MRO: variants seen among roughly 807,000 people sequenced by gnomAD.
The protein encoded by MRO is maestro.
MRO carries 28 observed loss-of-function variants against 31.0 expected under a neutral mutation model. That is an observed-to-expected ratio of 0.90 (90% CI 0.67 to 1.24). The LOEUF is 1.24. Ranked by LOEUF, MRO falls within the 50% of genes most tolerant of loss-of-function variation. The pLI, the probability that MRO is intolerant of heterozygous loss-of-function variation, is 0.00. For missense variants in MRO, 332 were observed against 289.2 expected (o/e 1.15, Z -1.07); for synonymous variants, 108 against 108.4 (o/e 1.00, Z 0.02).
upstream of MRO, chr18:50,820,116 A>AC (rs1237113505): frequency 4.4e-6 from 3 of 687,072 alleles, no homozygotes; most frequent in South Asian, 3.6e-5. Flanking sequence ...GTTCCAGGCG[A>AC]CCCCTGCACA....
At chr18:50,818,003 C>CCG (rs1555670621) in intron 2 of MRO, among the ~76,000 whole-genome samples, 20 of 129,186 alleles carry the variant, frequency 1.5e-4, no homozygotes, top group African/African-American at 6.5e-4. Context: ...CACCCCCCGC[C>CCG]CCATGCCCTC....
At position 50,799,409 on chromosome 18, in the gene MRO, G is replaced by T. The variant is rs1372413905; in HGVS notation, c.694-19C>A. The T allele has an allele frequency of 6.2e-7, 1 of 1,612,448 alleles. No homozygotes were observed. The highest frequency in any genetic ancestry group is 1.1e-5 in the South Asian group (1 of 91,042). ...AGTGGCTCTGAAAGAAATTAGCAAA[G>T]GTACGCGTGAGGGCAGGATTCAACA... On this transcript the variant is annotated intron_variant, in intron 7 of 7. Transcript: ENST00000398439.
At position 50,806,693 on chromosome 18, in the gene MRO, T is replaced by C; in HGVS notation, c.246+11A>G. The C allele has an allele frequency of 2.5e-6, 4 of 1,614,052 alleles. No homozygotes were observed. Among genetic ancestry groups the C allele is most frequent in the Non-Finnish European group, 3.4e-6 (4 of 1,180,006 alleles). On this transcript the variant is annotated intron_variant, in intron 4 of 7. Transcript: ENST00000398439. ...TTGGGGAGCTGGCTGAGCCCCACTCTCCTTCCCTACCTTGTCAGGGGCTTC... is the reference window on the plus strand; with the variant it reads ...TTGGGGAGCTGGCTGAGCCCCACTCCCCTTCCCTACCTTGTCAGGGGCTTC...
chr18:50,799,350 T>C lies in MRO; in HGVS notation c.734A>G (p.Asn245Ser). The change falls in exon 8 of 8, where the codon AAT becomes AGT. Residue 245 changes from asparagine (N) to serine (S), a missense_variant. Physicochemically the swap from Asn to Ser is conservative, Grantham distance 46 (BLOSUM62 1). Coordinates refer to ENST00000398439, the MANE Select transcript of MRO (RefSeq NM_031939.6). ...GCTGCTCTGCGCTTACAGAATTTTA[T>C]TTGCGTAGAAGAACTGCAGGATCTC... ...HPEILQFFYA[N>S]KIL 1 of 1,614,062 alleles carries C rather than the reference T, an allele frequency of 6.2e-7. No individual in the cohort carries two copies.
chr18:50,818,628 TTA>T (rs1915124698), intron 2 of MRO, among the ~76,000 whole-genome samples: 1 of 152,242 alleles, frequency 6.6e-6, no homozygotes, highest in South Asian at 2.1e-4. Flanking sequence ...AATAATCCTT[TTA>T]TTTATTGAAG....
upstream of MRO, chr18:50,820,018 G>C: frequency 6.8e-7 from 1 of 1,476,174 alleles, no homozygotes; most frequent in Non-Finnish European, 9.3e-7. Flanking sequence ...GGCAATTCTG[G>C]GGACCTTTCC....
At chr18:50,799,769 G>A (rs1033669057) in intron 7 of MRO, among the ~76,000 whole-genome samples, 1 of 152,146 alleles carries the variant, frequency 6.6e-6, no homozygotes, top group African/African-American at 2.4e-5. Context: ...AAATTAGCCG[G>A]GTGTGGTGGT....
intron 2 of MRO, chr18:50,815,645 C>T: frequency 2.9e-6 from 1 of 346,236 alleles, no homozygotes; most frequent in South Asian, 2.6e-5. Context: ...TGAAAGGGGG[C>T]AGTTTTGGTG....
rs1913159962 is a variant in MRO at position 50,800,162 on chromosome 18, C to T, written c.586-19G>A. 1 of 1,511,160 alleles carries T rather than the reference C, an allele frequency of 6.6e-7. No homozygotes were observed. The highest frequency in any genetic ancestry group is 9.2e-7 in the Non-Finnish European group (1 of 1,092,386). 93.6% of individuals were successfully genotyped at this position (1,511,160 alleles called of 1,614,324 possible). A position where few individuals can be genotyped will look rare whatever the true frequency, so the allele number is the denominator to read the frequency against. Reference sequence around the variant, plus strand: ...TGCAAGCCTGAGAAAAATAATATTACTATTTTATTTATTAGAGAGTTCCAT... The same window carrying T: ...TGCAAGCCTGAGAAAAATAATATTATTATTTTATTTATTAGAGAGTTCCAT... On this transcript the variant is annotated intron_variant, in intron 6 of 7. Coordinates refer to ENST00000398439, the MANE Select transcript of MRO (RefSeq NM_031939.6).
rs189003253 is a variant in MRO at position 50,819,213 on chromosome 18, C to T, written c.-5+368G>A. ...ATCCTTTCAGTCACTGTGCTATAAG[C>T]CTAGGTTCAGCTCCCAGGCAATGTC... On this transcript the variant is annotated intron_variant, in intron 2 of 7. Transcript: ENST00000398439. Among the ~76,000 whole-genome samples the T allele has an allele frequency of 2.7e-3, 417 of 152,210 alleles. 1 individual carries two copies. Among genetic ancestry groups the T allele is most frequent in the African/African-American group, 9.4e-3 (389 of 41,536 alleles).
chr18:50,814,082 T>C (rs1041420080), intron 2 of MRO, among the ~76,000 whole-genome samples: 4 of 152,142 alleles, frequency 2.6e-5, no homozygotes, highest in Non-Finnish European at 4.4e-5. Flanking sequence ...CATGTTTCAA[T>C]AGAACCTAAT....
chr18:50,824,523 C>T (rs192932880), upstream of MRO, among the ~76,000 whole-genome samples: 28 of 148,620 alleles, frequency 1.9e-4, no homozygotes, highest in South Asian at 8.6e-4. Context: ...ATTGCGATCT[C>T]GGCTCACTGC....
chr18:50,817,062 AAC>A (rs1431194675), intron 2 of MRO, among the ~76,000 whole-genome samples: 2 of 152,306 alleles, frequency 1.3e-5, no homozygotes, highest in African/African-American at 4.8e-5. Flanking sequence ...GCGTAAGTAG[AAC>A]TCAAGGTCAT....
rs1472799614 is a variant in MRO at position 50,798,243 on chromosome 18, CA to C, written c.*1093del. 6.6e-6 allele frequency: 1 copy of C among 151,752 alleles called. No individual in the cohort carries two copies. Among genetic ancestry groups the C allele is most frequent in the African/African-American group, 2.4e-5 (1 of 41,290 alleles). The allele number at this position is 151,752 out of a possible 1,614,324, so 9.4% of individuals were successfully genotyped here. A position where few individuals can be genotyped will look rare whatever the true frequency, so the allele number is the denominator to read the frequency against. ...TCCTTGGATAACTAGGATTGATCAC[CA>C]AAATAATTGACATTAATAGCCAAAA... On this transcript the variant is annotated 3_prime_UTR_variant, in exon 8 of 8. Transcript: ENST00000398439.
chr18:50,816,395 T>A (rs1914925345), intron 2 of MRO, among the ~76,000 whole-genome samples: 1 of 152,192 alleles, frequency 6.6e-6, no homozygotes. Context: ...GTGGTAGTGG[T>A]TCCAAGAATA....
chr18:50,806,854 G>A lies in MRO; in HGVS notation c.100-4C>T. The A allele has an allele frequency of 6.2e-7, 1 of 1,613,948 alleles. No individual in the cohort carries two copies. The highest frequency in any genetic ancestry group is 1.1e-5 in the South Asian group (1 of 91,066). On this transcript the variant is annotated splice_polypyrimidine_tract_variant and splice_region_variant and intron_variant, in intron 3 of 7. Coordinates refer to ENST00000398439, the MANE Select transcript of MRO (RefSeq NM_031939.6). Reference sequence around the variant, plus strand: ...GGAACCTCAGTTTCCAAGAGACCTGGGTGATGGGTCAAAAATGTATTAATT... The same window carrying A: ...GGAACCTCAGTTTCCAAGAGACCTGAGTGATGGGTCAAAAATGTATTAATT...
rs1912769996 is a variant in MRO, at chr18:50,796,108, A to T, written c.*3229T>A. On this transcript the variant is annotated 3_prime_UTR_variant, in exon 8 of 8. Coordinates refer to ENST00000398439, the MANE Select transcript of MRO (RefSeq NM_031939.6). ...AGGTTCAAAATTAATGTTCAAAATTAAGAAATGTCAAAACATTACCTTTGG... is the reference window on the plus strand; with the variant it reads ...AGGTTCAAAATTAATGTTCAAAATTTAGAAATGTCAAAACATTACCTTTGG... 1.3e-5 allele frequency: 2 copies of T among 152,176 alleles called. No homozygotes were observed. Among genetic ancestry groups the T allele is most frequent in the Non-Finnish European group, 2.9e-5 (2 of 68,028 alleles). The allele number at this position is 152,176 out of a possible 1,614,324, so 9.4% of individuals were successfully genotyped here.
At chr18:50,815,444 A>G (rs1052213321) in intron 2 of MRO, 18 of 263,506 alleles carry the variant, frequency 6.8e-5, no homozygotes, top group Admixed American at 2.0e-4. Context: ...GGTAGCCACT[A>G]TGGGTGGTGA....
In MRO at chr18:50,800,147, A is replaced by G; in HGVS notation, c.586-4T>C. 1 of 1,586,932 alleles carries G rather than the reference A, an allele frequency of 6.3e-7. No homozygotes were observed. The highest frequency in any genetic ancestry group is 8.6e-7 in the Non-Finnish European group (1 of 1,157,740). ...CTTGAAATGTTGTTTTGCAAGCCTG[A>G]GAAAAATAATATTACTATTTTATTT... On this transcript the variant is annotated splice_region_variant and splice_polypyrimidine_tract_variant and intron_variant, in intron 6 of 7. Transcript: ENST00000398439.
Sources: allele counts gnomAD v4.1 joint callset (sites outside exome capture counted in the v4.1 genomes callset), GRCh38; gene constraint gnomAD v4.1.1; transcripts MANE v1.5; gene names NCBI Gene and HGNC (gene_info 2026-07-23, HGNC 2026-07-21).